LRIG3: variants seen among roughly 807,000 people sequenced by gnomAD.
The protein encoded by LRIG3 is leucine rich repeats and immunoglobulin like domains 3, also known as leucine-rich repeats and immunoglobulin-like domains protein 3.
LRIG3 carries 76 observed loss-of-function variants against 114.5 expected under a neutral mutation model. The ratio of observed to expected loss-of-function variants is 0.66; its 90% CI spans 0.55 to 0.80. The LOEUF (loss-of-function observed/expected upper bound fraction) is 0.80, where lower values mean the gene tolerates loss of function less well. Ranked by LOEUF, LRIG3 falls within the 30% of genes least tolerant of loss-of-function variation. The pLI is 0.00. For missense variants in LRIG3, 1,239 were observed against 1,382.8 expected, an observed-to-expected ratio of 0.90 and a Z score of 1.65; for synonymous variants, 512 against 519.8, an observed-to-expected ratio of 0.98 and a Z score of 0.20.
intron 3 of LRIG3, among the ~76,000 whole-genome samples, chr12:58,895,499 C>G (rs1473081143): frequency 6.6e-6 from 1 of 152,152 alleles, no homozygotes; most frequent in Non-Finnish European, 1.5e-5. Context: ...AATGAAGGAA[C>G]ACCTGATGGC....
intron 3 of LRIG3, 39 bp downstream of exon 3, chr12:58,913,943 T>C (rs764705664): frequency 6.4e-7 from 1 of 1,557,814 alleles, no homozygotes; most frequent in South Asian, 1.2e-5. Context: ...TCAAGGTTCC[T>C]GCAAACATAC....
intron 13 of LRIG3, chr12:58,880,306 AAAAAAAAG>A: frequency 1.9e-6 from 1 of 532,460 alleles, no homozygotes; most frequent in African/African-American, 2.0e-5. Context: ...TCTCAAAAAA[AAAAAAAAG>A]AAAAAGAAAA....
chr12:58,876,350 T>G, intron 16 of LRIG3, 95 bp downstream of exon 16: 1 of 1,360,812 alleles, frequency 7.3e-7, no homozygotes. Flanking sequence ...TAAATGTCAG[T>G]GTTATCAATG....
chr12:58,882,825 A>C, intron 12 of LRIG3, 44 bp downstream of exon 12: 1 of 1,536,934 alleles, frequency 6.5e-7, no homozygotes, highest in Non-Finnish European at 8.8e-7. Flanking sequence ...GGGAGGGGGA[A>C]AAAAGAAGAA....
chr12:58,879,568 C>A (rs1871048667), intron 13 of LRIG3, among the ~76,000 whole-genome samples: 1 of 152,186 alleles, frequency 6.6e-6, no homozygotes, highest in Non-Finnish European at 1.5e-5. Flanking sequence ...TGCCAGGCCA[C>A]AGCCATCATT....
chr12:58,906,716 G>A (rs1372003574), intron 3 of LRIG3, among the ~76,000 whole-genome samples: 2 of 152,124 alleles, frequency 1.3e-5, no homozygotes, highest in Non-Finnish European at 2.9e-5. Flanking sequence ...GAGAAAAAGA[G>A]ATGTGGCCCT....
intron 12 of LRIG3, 65 bp from the exon 13 acceptor site, chr12:58,880,966 A>G: frequency 6.8e-7 from 1 of 1,461,888 alleles, no homozygotes; most frequent in Non-Finnish European, 9.4e-7. Flanking sequence ...TACTACTCAA[A>G]TTTGAACACC....
Position 58,874,299 on chromosome 12 carries a change from C to G in LRIG3, c.2871G>C (p.Met957Ile). The change falls in exon 18 of 19, where the codon ATG becomes ATC. Residue 957 changes from methionine (M) to isoleucine (I), a missense_variant. By Grantham distance (10) the Met-to-Ile change is conservative. Transcript: ENST00000320743. ...GCSPDPRTVL[M>I]DHYEPSYIKK... ...TTATGTAACTGGGCTCATAGTGGTCCATTAAAACTGTTCTTGGGTCAGGAC... is the reference window on the plus strand; with the variant it reads ...TTATGTAACTGGGCTCATAGTGGTCGATTAAAACTGTTCTTGGGTCAGGAC... 6.2e-7 allele frequency: 1 copy of G among 1,612,768 alleles called. No homozygotes were observed. The highest frequency in any genetic ancestry group is 8.5e-7 in the Non-Finnish European group (1 of 1,179,558).
intron 18 of LRIG3, among the ~76,000 whole-genome samples, chr12:58,873,074 G>A (rs1166510601): frequency 1.3e-5 from 2 of 152,212 alleles, no homozygotes; most frequent in East Asian, 1.9e-4. Context: ...CTCATGACCT[G>A]TAGTAATGTT....
chr12:58,911,958 T>C (rs12297238), intron 3 of LRIG3, among the ~76,000 whole-genome samples: 5,374 of 152,274 alleles, frequency 0.035, 299 homozygotes, highest in African/African-American at 0.12. Context: ...GCAGAGTCTA[T>C]GTAATCTAGG....
chr12:58,889,955 G>C, intron 5 of LRIG3, 41 bp downstream of exon 5: 1 of 1,599,808 alleles, frequency 6.3e-7, no homozygotes, highest in Middle Eastern at 1.7e-4. Context: ...CAAGGGTTTG[G>C]AGGAGGTGAG....
At chr12:58,879,203 G>T in intron 13 of LRIG3, 98 bp from the exon 14 acceptor site, 1 of 1,346,506 alleles carries the variant, frequency 7.4e-7, no homozygotes, top group Non-Finnish European at 1.0e-6. Flanking sequence ...GATACTTACA[G>T]ATTGTCCCTG....
chr12:58,881,510 G>A (rs1216553104), intron 12 of LRIG3, among the ~76,000 whole-genome samples: 4 of 151,822 alleles, frequency 2.6e-5, no homozygotes, highest in African/African-American at 7.3e-5. Flanking sequence ...AGCTTTGAGC[G>A]GCCAATCGTG....
At chr12:58,911,459 A>G (rs1418969526) in intron 3 of LRIG3, among the ~76,000 whole-genome samples, 3 of 152,212 alleles carry the variant, frequency 2.0e-5, no homozygotes, top group Non-Finnish European at 4.4e-5. Flanking sequence ...TTTTCTTTAC[A>G]CACAAGCTTT....
chr12:58,903,750 T>G (rs907913230), intron 3 of LRIG3, among the ~76,000 whole-genome samples: 16 of 151,910 alleles, frequency 1.1e-4, no homozygotes, highest in Admixed American at 6.6e-5. Context: ...GTATAAGGTG[T>G]AAGGAAGGGA....
intron 12 of LRIG3, among the ~76,000 whole-genome samples, chr12:58,881,472 A>C (rs955416848): frequency 1.3e-5 from 2 of 152,080 alleles, no homozygotes; most frequent in Admixed American, 6.5e-5. Flanking sequence ...TCTGTAAAAC[A>C]AACTGTAAGA....
At chr12:58,890,198 G>A (rs1871409101) in intron 4 of LRIG3, 59 bp from the exon 5 acceptor site, 4 of 1,575,982 alleles carry the variant, frequency 2.5e-6, no homozygotes, top group Non-Finnish European at 3.5e-6. Flanking sequence ...TAAAGTGCAG[G>A]CCATCTCTGT....
chr12:58,919,288 C>G, intron 1 of LRIG3: 1 of 1,130,608 alleles, frequency 8.8e-7, no homozygotes, highest in East Asian at 2.8e-5. Context: ...TGCATAAGAG[C>G]TCCCTGCGCT....
chr12:58,919,282 TA>T, intron 1 of LRIG3: 1 of 1,052,840 alleles, frequency 9.5e-7, no homozygotes, highest in Non-Finnish European at 1.3e-6. Flanking sequence ...AAAACTTGCA[TA>T]AGAGCTCCCT....
Sources: allele counts gnomAD v4.1 joint callset (sites outside exome capture counted in the v4.1 genomes callset), GRCh38; gene constraint gnomAD v4.1.1; transcripts MANE v1.5; gene names NCBI Gene and HGNC (gene_info 2026-07-23, HGNC 2026-07-21).